Variants in AVEN observed in about 807,000 individuals in gnomAD.
The protein encoded by AVEN is cell death regulator Aven.
A neutral mutation model predicts 38.1 loss-of-function variants in AVEN; 41 were observed. The observed-to-expected ratio is 1.08, with a 90% CI of 0.84 to 1.40. The LOEUF (loss-of-function observed/expected upper bound fraction) is 1.40. Ranked by LOEUF, AVEN falls within the 40% of genes most tolerant of loss-of-function variation. The pLI, the probability that AVEN is intolerant of heterozygous loss-of-function variation, is 0.00. For missense variants in AVEN, 605 were observed against 438.8 expected, an observed-to-expected ratio of 1.38 and a Z score of -3.38; for synonymous variants, 206 against 171.8, an observed-to-expected ratio of 1.20 and a Z score of -1.56.
rs1567384714 is a variant in AVEN at position 33,867,803 on chromosome 15, CCAT to C, written c.662_664del (p.Asp221del). 11 of 1,611,406 alleles carry C rather than the reference CCAT, an allele frequency of 6.8e-6. No homozygotes were observed. Among genetic ancestry groups the C allele is most frequent in the Non-Finnish European group, 9.3e-6 (11 of 1,179,186 alleles). Reference sequence around the variant, plus strand: ...CTTTAACTGCATCCCTAATCCCTTGCCATCATCAGTTCTCTTTGGTTTCACCTG... The same window carrying C: ...CTTTAACTGCATCCCTAATCCCTTGCCATCAGTTCTCTTTGGTTTCACCTG... On this transcript the variant is annotated inframe_deletion, in exon 5 of 6. Transcript: ENST00000306730.
At chr15:33,855,863 A>T (rs889731679), downstream of AVEN, 1 of 152,208 alleles carries the variant, frequency 6.6e-6, no homozygotes, top group Non-Finnish European at 1.5e-5. Flanking sequence ...AAATCTTCTA[A>T]TGGCTTCTCC....
chr15:33,852,097 T>G, the AVEN span: 1 of 126,612 alleles, frequency 7.9e-6, no homozygotes, highest in African/African-American at 2.9e-5. Flanking sequence ...GGTCTCCATT[T>G]CCTTATCACC....
intron 2 of AVEN, among the ~76,000 whole-genome samples, chr15:33,988,615 G>A (rs1039744527): frequency 1.3e-5 from 2 of 152,274 alleles, no homozygotes; most frequent in East Asian, 1.9e-4. Context: ...TGGCCACAGG[G>A]CTCATTTACA....
upstream of AVEN, among the ~76,000 whole-genome samples, chr15:34,044,131 A>T (rs183844610): frequency 6.6e-6 from 1 of 152,198 alleles, no homozygotes; most frequent in Non-Finnish European, 1.5e-5. Flanking sequence ...TTACACCCTA[A>T]TCCAACTTCT....
At chr15:33,930,954 C>T (rs1431361468) in intron 2 of AVEN, among the ~76,000 whole-genome samples, 2 of 111,842 alleles carry the variant, frequency 1.8e-5, no homozygotes, top group Non-Finnish European at 3.8e-5. Context: ...GACTCTGTCT[C>T]AAAAAAAAAA....
At chr15:34,024,018 T>G (rs1449682594) in intron 1 of AVEN, among the ~76,000 whole-genome samples, 1 of 152,152 alleles carries the variant, frequency 6.6e-6, no homozygotes, top group East Asian at 1.9e-4. Flanking sequence ...AGGAAAAGCA[T>G]AAAACCTGCT....
intron 2 of AVEN, among the ~76,000 whole-genome samples, chr15:33,892,363 TAA>T (rs1421847735): frequency 7.2e-5 from 11 of 152,262 alleles, no homozygotes; most frequent in Non-Finnish European, 1.6e-4. Context: ...GTTTTAGGTC[TAA>T]CAGTTAAGTC....
downstream of AVEN, chr15:33,865,270 C>CATGAA: frequency 7.0e-7 from 1 of 1,423,080 alleles, no homozygotes; most frequent in Non-Finnish European, 9.9e-7. Context: ...GTCAACTTCC[C>CATGAA]ATGAAATAAA....
intron 5 of AVEN, among the ~76,000 whole-genome samples, chr15:34,048,446 C>A (rs187261702): frequency 1.3e-5 from 2 of 151,926 alleles, no homozygotes; most frequent in East Asian, 1.9e-4. Flanking sequence ...GGCCAGGCTG[C>A]TTCTTTAAGT....
At position 33,859,766 on chromosome 15, in the gene AVEN, T is replaced by C. The variant is rs771451996; in HGVS notation, n.2730-672A>G. ...CCAATTGTGTTGAGTATGAACAGGGTTTAATCTAGTTCTTTTTGCTTTCTT... is the reference window on the plus strand; with the variant it reads ...CCAATTGTGTTGAGTATGAACAGGGCTTAATCTAGTTCTTTTTGCTTTCTT... On this transcript the variant is annotated intron_variant and non_coding_transcript_variant, in intron 11 of 11. Coordinates refer to the AVEN transcript ENST00000675287. 2.5e-6 allele frequency: 4 copies of C among 1,568,788 alleles called. No individual in the cohort carries two copies. In the South Asian group the frequency reaches 4.6e-5, roughly 18 times the overall value.
chr15:33,904,287 G>A (rs1318407636), intron 2 of AVEN, among the ~76,000 whole-genome samples: 1 of 152,146 alleles, frequency 6.6e-6, no homozygotes, highest in Non-Finnish European at 1.5e-5. Context: ...AGGCATGATG[G>A]TACACACCTA....
At chr15:33,954,353 G>A (rs1259938191) in intron 2 of AVEN, among the ~76,000 whole-genome samples, 9 of 152,110 alleles carry the variant, frequency 5.9e-5, no homozygotes, top group Admixed American at 2.6e-4. Context: ...ACATGCACAC[G>A]TATGTTTATT....
intron 2 of AVEN, among the ~76,000 whole-genome samples, chr15:34,067,778 G>A (rs950077825): frequency 6.6e-6 from 1 of 152,120 alleles, no homozygotes; most frequent in Non-Finnish European, 1.5e-5. Flanking sequence ...CACAAAAAGG[G>A]GCAGCAGCAT....
At chr15:33,879,450 C>T (rs917844132) in intron 2 of AVEN, among the ~76,000 whole-genome samples, 1 of 150,042 alleles carries the variant, frequency 6.7e-6, no homozygotes, top group African/African-American at 2.5e-5. Context: ...ATATCTAATG[C>T]TAAATGACGA....
intron 5 of AVEN, among the ~76,000 whole-genome samples, chr15:34,057,142 G>GTTT (rs763552413): frequency 1.3e-5 from 2 of 148,764 alleles, no homozygotes; most frequent in Non-Finnish European, 3.0e-5. Flanking sequence ...GTTTTTTTTG[G>GTTT]TTTTTTTTTT....
chr15:34,004,190 A>G lies in AVEN; in HGVS notation c.268-981T>C, dbSNP rs1897243509. Among the ~76,000 whole-genome samples, 3 of 152,242 alleles carry G rather than the reference A, an allele frequency of 2.0e-5. No individual in the cohort carries two copies. The South Asian group carries it at 6.2e-4, about 31-fold the overall frequency. ...TTCAATAGAAAAGCTTGGGTATAAA[A>G]AAGTTCCCTGTATTACAACTGACTA... On this transcript the variant is annotated intron_variant, in intron 1 of 5. Transcript: ENST00000306730.
In AVEN at chr15:34,064,133, C is replaced by A. The variant is rs1010626032; in HGVS notation, n.1127-701G>T. On this transcript the variant is annotated intron_variant and non_coding_transcript_variant, in intron 4 of 11. Transcript: ENST00000675287. Reference sequence around the variant, plus strand: ...TTTCTACCTTCTGTGACAAGTGTGTCCCAGTCACCCTGTGGCACTTGGGCT... The same window carrying A: ...TTTCTACCTTCTGTGACAAGTGTGTACCAGTCACCCTGTGGCACTTGGGCT... 12 of 1,614,084 alleles carry A rather than the reference C, an allele frequency of 7.4e-6. No individual in the cohort carries two copies. In the Admixed American group the frequency reaches 1.7e-4, roughly 22 times the overall value.
At chr15:34,005,214 TTCATA>T (rs1897293428) in intron 1 of AVEN, among the ~76,000 whole-genome samples, 1 of 152,150 alleles carries the variant, frequency 6.6e-6, no homozygotes, top group Non-Finnish European at 1.5e-5. Context: ...TAAATTTCAT[TTCATA>T]TAACATCCAG....
At chr15:34,041,498 G>C (rs1241591957), upstream of AVEN, among the ~76,000 whole-genome samples, 12 of 152,188 alleles carry the variant, frequency 7.9e-5, no homozygotes. Context: ...TATCCCTTGA[G>C]AAGCCTCCAA....
Sources: allele counts gnomAD v4.1 joint callset (sites outside exome capture counted in the v4.1 genomes callset), GRCh38; gene constraint gnomAD v4.1.1; transcripts MANE v1.5; gene names NCBI Gene and HGNC (gene_info 2026-07-23, HGNC 2026-07-21).